Variants in LRRC4C observed in about 807,000 individuals in gnomAD.
LRRC4C encodes leucine rich repeat containing 4C, also known as leucine-rich repeat-containing protein 4C.
In LRRC4C, 5 loss-of-function variants were observed where a neutral mutation model predicts 33.6. The ratio of observed to expected loss-of-function variants is 0.15; its 90% confidence interval spans 0.08 to 0.31. LRRC4C has a LOEUF of 0.31. Ranked by LOEUF, LRRC4C falls within the 10% of genes least tolerant of loss-of-function variation. LRRC4C has a pLI of 1.00. For synonymous variants in LRRC4C, 329 were observed against 302.0 expected, an observed-to-expected ratio of 1.09 and a Z score of -0.93; for missense variants, 560 against 796.7, an observed-to-expected ratio of 0.70 and a Z score of 3.58.
intron 1 of LRRC4C, among the ~76,000 whole-genome samples, chr11:41,445,096 C>A (rs1418768018): frequency 2.0e-5 from 3 of 152,292 alleles, no homozygotes; most frequent in African/African-American, 7.2e-5. Context: ...AGCCACCACG[C>A]CCGACATCTA....
intron 3 of LRRC4C, among the ~76,000 whole-genome samples, chr11:40,487,141 T>C (rs1023104114): frequency 2.6e-5 from 4 of 152,062 alleles, no homozygotes; most frequent in African/African-American, 7.2e-5. Flanking sequence ...TGAACTGACA[T>C]GCGAAGTTGG....
At chr11:41,325,609 G>A (rs1410266940) in intron 1 of LRRC4C, among the ~76,000 whole-genome samples, 1 of 143,632 alleles carries the variant, frequency 7.0e-6, no homozygotes, top group Non-Finnish European at 1.5e-5. Flanking sequence ...GTGTGTGTGT[G>A]TGTGTTAAAG....
At chr11:40,460,367 G>GA (rs148291091) in intron 3 of LRRC4C, among the ~76,000 whole-genome samples, 1 of 151,650 alleles carries the variant, frequency 6.6e-6, no homozygotes, top group Non-Finnish European at 1.5e-5. Flanking sequence ...TACAGACAAT[G>GA]AAAAAAATAG....
rs149669980 is a variant in LRRC4C at position 40,649,833 on chromosome 11, T to C, written c.-406-1555A>G. Among the ~76,000 whole-genome samples, 471 of 152,304 alleles carry C rather than the reference T, an allele frequency of 3.1e-3. 3 individuals are homozygous for C. The highest frequency in any genetic ancestry group is 0.01 in the African/African-American group (417 of 41,568). ...TAAAATGAAATCTTCACAATTTATG[T>C]TCCTCTGCCACAGCTCCAGCCAGTC... On this transcript the variant is annotated intron_variant, in intron 2 of 6. Transcript: ENST00000528697.
At chr11:40,559,500 G>A (rs988631446) in intron 3 of LRRC4C, among the ~76,000 whole-genome samples, 2 of 152,038 alleles carry the variant, frequency 1.3e-5, no homozygotes, top group African/African-American at 4.8e-5. Flanking sequence ...TGTCTTTATG[G>A]TAGAATTATT....
intron 4 of LRRC4C, chr11:40,293,108 T>TTCCCCTC (rs1944305955): frequency 2.0e-5 from 3 of 151,874 alleles, no homozygotes; most frequent in Admixed American, 2.0e-4. Context: ...GCCAGCCACC[T>TTCCCCTC]TCCCCTCTCC....
intron 1 of LRRC4C, among the ~76,000 whole-genome samples, chr11:40,976,557 G>T (rs1397972925): frequency 6.6e-6 from 1 of 152,160 alleles, no homozygotes; most frequent in Non-Finnish European, 1.5e-5. Flanking sequence ...GTAGAGAAAG[G>T]CACTAACCAA....
chr11:40,630,584 A>C (rs1340667407), intron 3 of LRRC4C, among the ~76,000 whole-genome samples: 1 of 152,124 alleles, frequency 6.6e-6, no homozygotes, highest in Non-Finnish European at 1.5e-5. Context: ...ACTGAGTTTC[A>C]GAAAGGTTAA....
intron 1 of LRRC4C, among the ~76,000 whole-genome samples, chr11:41,364,591 T>C (rs1286501783): frequency 1.3e-5 from 2 of 152,136 alleles, no homozygotes; most frequent in African/African-American, 2.4e-5. Flanking sequence ...AAGAGTATGA[T>C]TGATCGTCAA....
At chr11:40,330,104 T>C (rs1273961475) in intron 3 of LRRC4C, among the ~76,000 whole-genome samples, 3 of 152,114 alleles carry the variant, frequency 2.0e-5, no homozygotes, top group African/African-American at 7.2e-5. Context: ...ACCAGTCGGG[T>C]GTTAAATTAA....
intron 3 of LRRC4C, among the ~76,000 whole-genome samples, chr11:40,321,585 G>A (rs1945851123): frequency 6.6e-6 from 1 of 152,184 alleles, no homozygotes; most frequent in South Asian, 2.1e-4. Context: ...GAATTAGCAA[G>A]TCTGTTTAAT....
chr11:40,166,260 A>G (rs1388845314), intron 5 of LRRC4C, among the ~76,000 whole-genome samples: 5 of 152,220 alleles, frequency 3.3e-5, no homozygotes, highest in African/African-American at 9.6e-5. Context: ...ATTTGCACCA[A>G]TGGAATACCA....
intron 1 of LRRC4C, among the ~76,000 whole-genome samples, chr11:41,037,324 C>G (rs1013837406): frequency 6.7e-6 from 1 of 149,146 alleles, no homozygotes; most frequent in Non-Finnish European, 1.5e-5. Context: ...AGTGATTGAT[C>G]AAATTTTCTT....
intron 1 of LRRC4C, among the ~76,000 whole-genome samples, chr11:41,337,606 C>T (rs747247758): frequency 2.0e-5 from 3 of 152,026 alleles, no homozygotes; most frequent in Non-Finnish European, 2.9e-5. Context: ...CTAGGCAATA[C>T]CATTCAGGAC....
chr11:40,250,824 G>A (rs1488761564), intron 4 of LRRC4C, among the ~76,000 whole-genome samples: 2 of 151,982 alleles, frequency 1.3e-5, no homozygotes, highest in African/African-American at 4.8e-5. Flanking sequence ...TATTTCTGTA[G>A]ACTAGCTAAC....
intron 2 of LRRC4C, among the ~76,000 whole-genome samples, chr11:40,876,947 T>C (rs1954924497): frequency 6.7e-6 from 1 of 148,470 alleles, no homozygotes; most frequent in South Asian, 2.2e-4. Context: ...CTCTCATAAC[T>C]CAGAAACTCT....
chr11:40,951,567 C>G (rs989939648), intron 1 of LRRC4C, among the ~76,000 whole-genome samples: 9 of 151,872 alleles, frequency 5.9e-5, no homozygotes, highest in African/African-American at 2.2e-4. Context: ...CCCTGAGTTA[C>G]AGAAAAATTA....
intron 2 of LRRC4C, among the ~76,000 whole-genome samples, chr11:40,888,013 G>A (rs1371185534): frequency 6.6e-6 from 1 of 151,846 alleles, no homozygotes; most frequent in Non-Finnish European, 1.5e-5. Context: ...TAAAGAATTA[G>A]TCTTTGGCAC....
At chr11:40,662,241 A>G (rs1439281088) in intron 2 of LRRC4C, among the ~76,000 whole-genome samples, 2 of 152,176 alleles carry the variant, frequency 1.3e-5, no homozygotes, top group Non-Finnish European at 2.9e-5. Context: ...AGGTGGCCAG[A>G]TCACTTCCTG....
Sources: allele counts gnomAD v4.1 joint callset (sites outside exome capture counted in the v4.1 genomes callset), GRCh38; gene constraint gnomAD v4.1.1; transcripts MANE v1.5; gene names NCBI Gene and HGNC (gene_info 2026-07-23, HGNC 2026-07-21).